SLC44A5: variants seen among roughly 807,000 people sequenced by gnomAD.
The protein encoded by SLC44A5 is solute carrier family 44 member 5, also known as choline transporter-like protein 5.
A neutral mutation model predicts 101.8 loss-of-function variants in SLC44A5; 57 were observed. The observed-to-expected ratio is 0.56, with a 90% CI of 0.45 to 0.70. The LOEUF (loss-of-function observed/expected upper bound fraction) is 0.70. Ranked by LOEUF, SLC44A5 falls within the 30% of genes least tolerant of loss-of-function variation. The pLI is 0.00. For missense variants in SLC44A5, 737 were observed against 853.1 expected, an observed-to-expected ratio of 0.86 and a Z score of 1.70; for synonymous variants, 281 against 290.9, an observed-to-expected ratio of 0.97 and a Z score of 0.35.
chr1:75,598,169 C>A (rs898309077), intron 1 of SLC44A5, among the ~76,000 whole-genome samples: 1 of 151,292 alleles, frequency 6.6e-6, no homozygotes, highest in African/African-American at 2.4e-5. Context: ...ATGCACCCAA[C>A]AATCATATGA....
At chr1:75,254,356 G>A (rs1006814326) in intron 6 of SLC44A5, among the ~76,000 whole-genome samples, 4 of 152,140 alleles carry the variant, frequency 2.6e-5, no homozygotes, top group African/African-American at 9.6e-5. Flanking sequence ...AGATTTTTTA[G>A]GTGCAAAGTA....
At chr1:75,604,061 T>C (rs946029290) in intron 1 of SLC44A5, among the ~76,000 whole-genome samples, 4 of 152,108 alleles carry the variant, frequency 2.6e-5, no homozygotes, top group African/African-American at 9.7e-5. Context: ...TCATTGCTTT[T>C]GAGGACTTAG....
chr1:75,359,801 G>T (rs1408414333), intron 3 of SLC44A5, among the ~76,000 whole-genome samples: 1 of 152,008 alleles, frequency 6.6e-6, no homozygotes, highest in Non-Finnish European at 1.5e-5. Flanking sequence ...GGTGCACAGG[G>T]TTTGCTTTTC....
intron 1 of SLC44A5, among the ~76,000 whole-genome samples, chr1:75,599,792 G>A (rs1674864946): frequency 6.6e-6 from 1 of 152,152 alleles, no homozygotes; most frequent in African/African-American, 2.4e-5. Flanking sequence ...AGTATTTAGT[G>A]TGGTCGGATC....
chr1:75,351,051 A>C (rs79116830), intron 3 of SLC44A5, among the ~76,000 whole-genome samples: 2,796 of 150,348 alleles, frequency 0.019, 73 homozygotes, highest in African/African-American at 0.058. Flanking sequence ...TGCAAAAGTA[A>C]TTGTGGTTTT....
chr1:75,628,936 T>G, the SLC44A5 span, among the ~76,000 whole-genome samples: 1 of 152,090 alleles, frequency 6.6e-6, no homozygotes, highest in African/African-American at 2.4e-5. Flanking sequence ...AAAAGTCCCA[T>G]CTCAACTAGT....
intron 10 of SLC44A5, 140 bp from the exon 11 acceptor site, chr1:75,237,210 C>T (rs1159641764): frequency 2.5e-4 from 132 of 531,576 alleles, no homozygotes. Flanking sequence ...GACTGTTTTC[C>T]TAGCCACAAT....
intron 1 of SLC44A5, among the ~76,000 whole-genome samples, chr1:75,592,155 T>C (rs894850177): frequency 1.3e-5 from 2 of 152,076 alleles, no homozygotes; most frequent in Non-Finnish European, 2.9e-5. Flanking sequence ...AGAAAACTAT[T>C]AGAGCTGATA....
chr1:75,537,033 A>AAAAAAAAAAAAAAAATATATAT (rs35829590), intron 2 of SLC44A5, among the ~76,000 whole-genome samples: 2 of 43,024 alleles, frequency 4.6e-5, no homozygotes, highest in Non-Finnish European at 1.2e-4. Flanking sequence ...AAAAAAAAAA[A>AAAAAAAAAAAAAAAATATATAT]ATATATATCT....
At chr1:75,594,446 G>A (rs980986513) in intron 1 of SLC44A5, among the ~76,000 whole-genome samples, 4 of 151,908 alleles carry the variant, frequency 2.6e-5, no homozygotes, top group African/African-American at 9.7e-5. Flanking sequence ...TTATCTGACT[G>A]CTTATACAGT....
the SLC44A5 span, among the ~76,000 whole-genome samples, chr1:75,662,134 G>T: frequency 6.6e-6 from 1 of 150,418 alleles, no homozygotes; most frequent in African/African-American, 2.5e-5. Context: ...TGAAAATATG[G>T]TATATATATA....
the SLC44A5 span, among the ~76,000 whole-genome samples, chr1:75,671,800 C>A: frequency 6.6e-6 from 1 of 152,158 alleles, no homozygotes; most frequent in Admixed American, 6.5e-5. Flanking sequence ...TGATCTCGAA[C>A]CAAGCTGTAT....
chr1:75,283,908 A>G (rs577915337), intron 5 of SLC44A5, among the ~76,000 whole-genome samples: 4 of 152,210 alleles, frequency 2.6e-5, no homozygotes, highest in East Asian at 3.9e-4. Context: ...GCCTTATAGT[A>G]TAGTTTGAAG....
chr1:75,503,401 G>A (rs1016658210), intron 2 of SLC44A5, among the ~76,000 whole-genome samples: 6 of 151,874 alleles, frequency 4.0e-5, no homozygotes, highest in East Asian at 1.9e-4. Context: ...CACGAGATCC[G>A]GTTATTTAAA....
intron 4 of SLC44A5, among the ~76,000 whole-genome samples, chr1:75,319,495 T>C (rs150862906): frequency 0.019 from 2,896 of 152,292 alleles, 87 homozygotes; most frequent in Middle Eastern, 0.065. Flanking sequence ...AAAATGTTTT[T>C]ATTATAGATA....
chr1:75,576,638 A>G (rs956544075), intron 1 of SLC44A5, among the ~76,000 whole-genome samples: 1 of 152,082 alleles, frequency 6.6e-6, no homozygotes, highest in Non-Finnish European at 1.5e-5. Flanking sequence ...CTTTAAAAAG[A>G]GCCATTTTAA....
intron 1 of SLC44A5, among the ~76,000 whole-genome samples, chr1:75,551,110 T>C (rs2101980417): frequency 6.6e-6 from 1 of 152,260 alleles, no homozygotes; most frequent in Middle Eastern, 3.4e-3. Flanking sequence ...TTAATTACTA[T>C]ACTTATTCCG....
intron 1 of SLC44A5, among the ~76,000 whole-genome samples, chr1:75,609,392 G>C (rs1180761425): frequency 1.3e-5 from 2 of 151,858 alleles, no homozygotes; most frequent in Non-Finnish European, 2.9e-5. Context: ...TTGTGGAATG[G>C]CTAAATCAAG....
intron 2 of SLC44A5, among the ~76,000 whole-genome samples, chr1:75,470,656 AG>A (rs1667057416): frequency 1.3e-5 from 2 of 151,974 alleles, no homozygotes; most frequent in South Asian, 4.2e-4. Context: ...CTACACCATG[AG>A]TAGGTGTTAG....
Sources: gnomAD v4.1 joint callset for allele counts (sites outside exome capture counted in the v4.1 genomes callset) on GRCh38, gnomAD v4.1.1 for gene constraint, MANE v1.5 for transcripts, NCBI Gene and HGNC (gene_info 2026-07-23, HGNC 2026-07-21) for gene names.